The following CPVL variants were observed in gnomAD, a reference collection of about 807,000 sequenced individuals.
The protein encoded by CPVL is probable serine carboxypeptidase CPVL.
A neutral mutation model predicts 63.7 loss-of-function variants in CPVL; 51 were observed. The ratio of observed to expected loss-of-function variants is 0.80; its 90% CI spans 0.64 to 1.01. CPVL has a LOEUF of 1.01. Ranked by LOEUF, CPVL falls within the 50% of genes least tolerant of loss-of-function variation. The pLI is 0.00. For missense variants in CPVL, 530 were observed against 573.1 expected (o/e 0.92, Z 0.77); for synonymous variants, 195 against 206.0 (o/e 0.95, Z 0.46).
At chr7:29,107,562 C>G (rs1379123138) in intron 3 of CPVL, among the ~76,000 whole-genome samples, 2 of 152,192 alleles carry the variant, frequency 1.3e-5, no homozygotes, top group Non-Finnish European at 2.9e-5. Context: ...ATCCCTGTAT[C>G]CAAACCTCTA....
At chr7:29,169,607 G>A (rs528901459) in intron 5 of CPVL, among the ~76,000 whole-genome samples, 64 of 152,158 alleles carry the variant, frequency 4.2e-4, no homozygotes, top group South Asian at 1.0e-3. Context: ...AGGACCATTG[G>A]CTTTTTCTAC....
intron 6 of CPVL, among the ~76,000 whole-genome samples, chr7:29,087,445 G>C (rs925550197): frequency 1.8e-5 from 2 of 111,528 alleles, no homozygotes; most frequent in Non-Finnish European, 3.6e-5. Flanking sequence ...AAAAAAAAAA[G>C]AATGCCAATA....
At chr7:29,141,416 A>G (rs1791865548) in intron 1 of CPVL, among the ~76,000 whole-genome samples, 1 of 151,832 alleles carries the variant, frequency 6.6e-6, no homozygotes, top group African/African-American at 2.4e-5. Flanking sequence ...TGGGCATGGT[A>G]GCACATGCCT....
intron 12 of CPVL, among the ~76,000 whole-genome samples, chr7:29,001,599 GA>G (rs1784643983): frequency 6.6e-6 from 1 of 152,176 alleles, no homozygotes; most frequent in Non-Finnish European, 1.5e-5. Context: ...TCGAAAGAAT[GA>G]AAAAACAGCA....
intron 12 of CPVL, among the ~76,000 whole-genome samples, chr7:29,004,886 T>TTTTTC (rs992897436): frequency 9.4e-5 from 14 of 148,334 alleles, no homozygotes; most frequent in East Asian, 2.0e-4. Flanking sequence ...ATATGTCTTT[T>TTTTTC]TTTTCTTTTC....
intron 11 of CPVL, among the ~76,000 whole-genome samples, chr7:29,063,448 C>G (rs1782822832): frequency 6.6e-6 from 1 of 152,222 alleles, no homozygotes; most frequent in Non-Finnish European, 1.5e-5. Context: ...GGCTCTTACA[C>G]ACGGCCAGTC....
chr7:29,070,181 C>A (rs924900608), intron 9 of CPVL, among the ~76,000 whole-genome samples: 2 of 152,136 alleles, frequency 1.3e-5, no homozygotes, highest in Non-Finnish European at 2.9e-5. Context: ...CTTGGGGTTC[C>A]GGTTTCTGAC....
chr7:28,995,096 A>T (rs1247323638), downstream of CPVL: 4 of 152,214 alleles, frequency 2.6e-5, no homozygotes, highest in Admixed American at 6.5e-5. Context: ...AATGGCTCTT[A>T]TAACTAATGT....
At position 28,995,596 on chromosome 7, in the gene CPVL, G is replaced by A; in HGVS notation, c.*176C>T. The A allele has an allele frequency of 1.7e-6, 1 of 583,814 alleles. No homozygotes were observed. The highest frequency in any genetic ancestry group is 3.0e-6 in the Non-Finnish European group (1 of 338,148). The allele number at this position is 583,814 out of a possible 1,614,324, so 36.2% of individuals were successfully genotyped here. ...TTACTCATGTACTCATGTTAATTTTGTAGTAAACATCTCCCCCCAAAAACA... is the reference window on the plus strand; with the variant it reads ...TTACTCATGTACTCATGTTAATTTTATAGTAAACATCTCCCCCCAAAAACA... On this transcript the variant is annotated 3_prime_UTR_variant, in exon 13 of 13. Coordinates refer to ENST00000265394, the MANE Select transcript of CPVL (RefSeq NM_031311.5).
At chr7:29,011,497 C>G (rs1785828204) in intron 12 of CPVL, 1 of 152,188 alleles carries the variant, frequency 6.6e-6, no homozygotes, top group Non-Finnish European at 1.5e-5. Context: ...ATTTGTTGAG[C>G]CTGGGAGTTC....
intron 6 of CPVL, among the ~76,000 whole-genome samples, chr7:29,090,169 G>A (rs1390371851): frequency 6.6e-6 from 1 of 152,102 alleles, no homozygotes; most frequent in Non-Finnish European, 1.5e-5. Flanking sequence ...GGCCACCCTT[G>A]AATTCTTTCC....
chr7:29,003,079 A>G (rs1028183865), intron 12 of CPVL, among the ~76,000 whole-genome samples: 1 of 138,392 alleles, frequency 7.2e-6, no homozygotes. Context: ...GAATAAACAC[A>G]AAGCAAACTA....
chr7:29,019,853 C>T (rs943642981), intron 12 of CPVL, among the ~76,000 whole-genome samples: 4 of 152,226 alleles, frequency 2.6e-5, no homozygotes, highest in African/African-American at 4.8e-5. Context: ...TCTTTGCCAA[C>T]ATTTTAAAAT....
At chr7:29,159,213 T>C (rs1794843936) in intron 5 of CPVL, among the ~76,000 whole-genome samples, 1 of 152,206 alleles carries the variant, frequency 6.6e-6, no homozygotes, top group Non-Finnish European at 1.5e-5. Flanking sequence ...AGACCTGAGA[T>C]GGACCTTGAA....
At chr7:29,138,681 T>C (rs913326091) in intron 1 of CPVL, among the ~76,000 whole-genome samples, 2 of 152,158 alleles carry the variant, frequency 1.3e-5, no homozygotes, top group Admixed American at 6.5e-5. Flanking sequence ...AATGTTTCTA[T>C]ATACCCAAGG....
intron 2 of CPVL, among the ~76,000 whole-genome samples, chr7:29,118,089 T>A (rs1407964056): frequency 6.6e-6 from 1 of 152,180 alleles, no homozygotes; most frequent in Non-Finnish European, 1.5e-5. Flanking sequence ...GAAGAACACT[T>A]TAGAAGCTTC....
chr7:29,029,858 C>T (rs1288996170), intron 12 of CPVL, among the ~76,000 whole-genome samples: 1 of 151,944 alleles, frequency 6.6e-6, no homozygotes, highest in Admixed American at 6.6e-5. Flanking sequence ...TCCTAAATAC[C>T]CTGATTTGGT....
At chr7:29,144,007 A>G (rs1285179274) in intron 1 of CPVL, among the ~76,000 whole-genome samples, 1 of 152,210 alleles carries the variant, frequency 6.6e-6, no homozygotes, top group Non-Finnish European at 1.5e-5. Flanking sequence ...TTGCAAATAT[A>G]GTATAAAAGT....
intron 7 of CPVL, chr7:29,082,200 C>T (rs186244191): frequency 1.3e-4 from 20 of 150,520 alleles, no homozygotes; most frequent in South Asian, 2.1e-4. Flanking sequence ...GTAGGTATTA[C>T]GTTAAAACTG....
Sources: gnomAD v4.1 joint callset for allele counts (sites outside exome capture counted in the v4.1 genomes callset) on GRCh38, gnomAD v4.1.1 for gene constraint, MANE v1.5 for transcripts, NCBI Gene and HGNC (gene_info 2026-07-23, HGNC 2026-07-21) for gene names.